Variants in PRCP observed in about 807,000 individuals in gnomAD.
PRCP encodes the protein lysosomal Pro-X carboxypeptidase.
In PRCP, 46 loss-of-function variants were observed where a neutral mutation model predicts 54.2. The observed-to-expected ratio is 0.85, with a 90% CI of 0.67 to 1.09. The LOEUF (loss-of-function observed/expected upper bound fraction) is 1.09, where lower values mean the gene tolerates loss of function less well. Ranked by LOEUF, PRCP falls within the 50% of genes least tolerant of loss-of-function variation. The pLI, the probability that PRCP is intolerant of heterozygous loss-of-function variation, is 0.00. For missense variants in PRCP, 613 were observed against 596.8 expected, an observed-to-expected ratio of 1.03 and a Z score of -0.28; for synonymous variants, 240 against 212.2, an observed-to-expected ratio of 1.13 and a Z score of -1.14.
chr11:82,851,643 G>A (rs1165704148), intron 3 of PRCP, among the ~76,000 whole-genome samples: 1 of 151,820 alleles, frequency 6.6e-6, no homozygotes, highest in African/African-American at 2.4e-5. Context: ...AGTAATAGAT[G>A]TTTATTGCTG....
chr11:82,856,535 G>A (rs147356260), intron 2 of PRCP, among the ~76,000 whole-genome samples: 34 of 152,290 alleles, frequency 2.2e-4, no homozygotes, highest in African/African-American at 7.7e-4. Context: ...TAATAGTGCA[G>A]GGAGTGTGGG....
intron 1 of PRCP, among the ~76,000 whole-genome samples, chr11:82,899,077 G>A (rs1462731955): frequency 2.0e-5 from 3 of 152,140 alleles, no homozygotes; most frequent in African/African-American, 4.8e-5. Context: ...TTCACATAAG[G>A]GCTGGGCTCA....
At position 82,839,344 on chromosome 11, in the gene PRCP, A is replaced by G; in HGVS notation, c.1003T>C (p.Tyr335His). ...QNIFQALNVY[Y>H]NYSGQVKCLN... ...CATTTCACCTGGCCCGAATAATTGT[A>G]ATATACATTCAGAGCTTGGAAAATA... Residue 335 changes from tyrosine (Y) to histidine (H), a missense_variant, in exon 7 of 9, where the codon TAC becomes CAC. Coordinates refer to ENST00000313010, the MANE Select transcript of PRCP (RefSeq NM_005040.4). 1 of 1,613,994 alleles carries G rather than the reference A, an allele frequency of 6.2e-7. No homozygotes were observed. The highest frequency in any genetic ancestry group is 2.2e-5 in the East Asian group (1 of 44,872).
At chr11:82,839,957 G>GT (rs1384713160) in intron 6 of PRCP, 1 of 153,600 alleles carries the variant, frequency 6.5e-6, no homozygotes, top group African/African-American at 2.4e-5. Flanking sequence ...CACAGCCCCT[G>GT]TAATGCTCTA....
At chr11:82,867,221 G>C (rs887017498) in intron 1 of PRCP, among the ~76,000 whole-genome samples, 1 of 151,282 alleles carries the variant, frequency 6.6e-6, no homozygotes, top group Non-Finnish European at 1.5e-5. Context: ...TATCTATGTG[G>C]AAAAAAAAAT....
chr11:82,900,453 C>G (rs748004161), upstream of PRCP: 1 of 1,576,424 alleles, frequency 6.3e-7, no homozygotes, highest in Non-Finnish European at 8.6e-7. Flanking sequence ...AGGAGGCCAG[C>G]AGAAGCGCAC....
intron 8 of PRCP, among the ~76,000 whole-genome samples, chr11:82,832,590 G>T (rs961335962): frequency 1.3e-5 from 2 of 152,178 alleles, no homozygotes; most frequent in African/African-American, 4.8e-5. Flanking sequence ...GTTCCTTGTA[G>T]ATTCTAGATA....
chr11:82,858,045 T>C (rs1308583301), intron 2 of PRCP, among the ~76,000 whole-genome samples: 1 of 152,212 alleles, frequency 6.6e-6, no homozygotes. Context: ...CTCTGTGCAG[T>C]TGATTTCAGG....
At chr11:82,853,779 T>C (rs1301499634) in intron 2 of PRCP, among the ~76,000 whole-genome samples, 1 of 151,962 alleles carries the variant, frequency 6.6e-6, no homozygotes, top group Non-Finnish European at 1.5e-5. Context: ...CAAACCAAAA[T>C]CCAGCAGCAT....
chr11:82,830,305 G>C (rs550657953), intron 8 of PRCP: 1 of 151,884 alleles, frequency 6.6e-6, no homozygotes, highest in Admixed American at 6.6e-5. Flanking sequence ...GGTACATTAA[G>C]TATATGTGTG....
chr11:82,896,215 A>G (rs1167924853), intron 1 of PRCP, among the ~76,000 whole-genome samples: 7 of 152,172 alleles, frequency 4.6e-5, no homozygotes, highest in Non-Finnish European at 8.8e-5. Flanking sequence ...ACCTTGGTGG[A>G]TGTGATGATT....
intron 1 of PRCP, among the ~76,000 whole-genome samples, chr11:82,899,004 A>T (rs7104762): frequency 0.015 from 2,225 of 149,804 alleles, 63 homozygotes; most frequent in African/African-American, 0.054. Context: ...AAAAATTTTT[A>T]AATTATTTCT....
upstream of PRCP, among the ~76,000 whole-genome samples, chr11:82,901,149 C>T (rs1860282446): frequency 6.6e-6 from 1 of 152,184 alleles, no homozygotes; most frequent in South Asian, 2.1e-4. Flanking sequence ...CCTAACCACT[C>T]CCTATGATAC....
intron 1 of PRCP, among the ~76,000 whole-genome samples, chr11:82,891,113 AG>A (rs1346364296): frequency 6.6e-6 from 1 of 151,920 alleles, no homozygotes; most frequent in Non-Finnish European, 1.5e-5. Context: ...TCTGAAACCA[AG>A]TTCCTCTTCT....
chr11:82,850,146 A>T, intron 4 of PRCP, 75 bp from the exon 5 acceptor site: 1 of 892,662 alleles, frequency 1.1e-6, no homozygotes, highest in Non-Finnish European at 1.5e-6. Flanking sequence ...ATGTCATCTA[A>T]ATCAAGTTTT....
chr11:82,846,800 A>T (rs769268659), intron 6 of PRCP, among the ~76,000 whole-genome samples: 3 of 152,226 alleles, frequency 2.0e-5, no homozygotes, highest in Non-Finnish European at 2.9e-5. Flanking sequence ...ACAGCAAAAT[A>T]TCCCAAAATG....
In PRCP at chr11:82,852,901, A is replaced by G. The variant is rs565091330; in HGVS notation, c.411+276T>C. Among the ~76,000 whole-genome samples, 3 of 152,346 alleles carry G rather than the reference A, an allele frequency of 2.0e-5. No individual in the cohort carries two copies. In the South Asian group the frequency reaches 6.2e-4, roughly 32 times the overall value. ...TTTACTGATATTTTTGAAATAATAA[A>G]AAGCTCCCTGTGCTGTCTCTGCAGC... is the stretch of plus-strand genomic sequence containing the variant. On this transcript the variant is annotated intron_variant, in intron 3 of 8. Transcript: ENST00000313010.
chr11:82,825,308 T>C (rs1027637175), intron 8 of PRCP, 186 bp from the exon 9 acceptor site: 20 of 587,000 alleles, frequency 3.4e-5, no homozygotes, highest in Non-Finnish European at 5.6e-5. Context: ...GCAATATTCA[T>C]GCAACCAGGT....
chr11:82,881,813 G>C (rs1859755492), intron 1 of PRCP, among the ~76,000 whole-genome samples: 2 of 152,184 alleles, frequency 1.3e-5, no homozygotes, highest in South Asian at 2.1e-4. Context: ...ACTGACCCTT[G>C]AACAACAGGG....
Sources: allele counts gnomAD v4.1 joint callset (sites outside exome capture counted in the v4.1 genomes callset), GRCh38; gene constraint gnomAD v4.1.1; transcripts MANE v1.5; gene names NCBI Gene and HGNC (gene_info 2026-07-23, HGNC 2026-07-21).